The following FAM220A variants were observed in gnomAD, a reference collection of about 807,000 sequenced individuals.
FAM220A encodes protein FAM220A.
For synonymous variants in FAM220A, 141 were observed against 130.7 expected, an observed-to-expected ratio of 1.08 and a Z score of -0.54; for missense variants, 392 against 321.6, an observed-to-expected ratio of 1.22 and a Z score of -1.68.
At chr7:6,346,834 G>A (rs962036095) in intron 1 of FAM220A, among the ~76,000 whole-genome samples, 6 of 152,320 alleles carry the variant, frequency 3.9e-5, no homozygotes, top group South Asian at 2.1e-4. Flanking sequence ...GGCACCTGCA[G>A]TGTGGTGGTT....
In FAM220A at chr7:6,348,723, G is replaced by C. The variant is rs1782002840; in HGVS notation, c.-232C>G. 1 of 418,662 alleles carries C rather than the reference G, an allele frequency of 2.4e-6. No individual in the cohort carries two copies. Among genetic ancestry groups the C allele is most frequent in the Non-Finnish European group, 4.2e-6 (1 of 236,292 alleles). 25.9% of individuals were successfully genotyped at this position (418,662 alleles called of 1,614,324 possible). A position where few individuals can be genotyped will look rare whatever the true frequency, so the allele number is the denominator to read the frequency against. On this transcript the variant is annotated 5_prime_UTR_variant, in exon 1 of 2. Transcript: ENST00000313324. Reference sequence around the variant, plus strand: ...AGGAGCGGGCGGCGGCCGAGCGCGAGAGCCGGACAGCCAGGCCCGACAGAG... The same window carrying C: ...AGGAGCGGGCGGCGGCCGAGCGCGACAGCCGGACAGCCAGGCCCGACAGAG...
chr7:6,346,146 G>T (rs368971803), intron 1 of FAM220A, among the ~76,000 whole-genome samples: 1 of 151,924 alleles, frequency 6.6e-6, no homozygotes, highest in African/African-American at 2.4e-5. Flanking sequence ...GACTAGATAC[G>T]GCAAATACTG....
Position 6,330,536 on chromosome 7 carries a change from C to T in FAM220A, c.619G>A (p.Glu207Lys), listed in dbSNP as rs201671183. The T allele has an allele frequency of 6.2e-7, 1 of 1,614,158 alleles. No individual in the cohort carries two copies. Among genetic ancestry groups the T allele is most frequent in the Non-Finnish European group, 8.5e-7 (1 of 1,180,030 alleles). The change falls in exon 2 of 2, where the codon GAG becomes AAG. Residue 207 changes from glutamate to lysine, a missense_variant. Transcript: ENST00000313324. ...CGGTCAAGGAAAATGCGTTTTGTCT[C>T]CTCACTCAGGAGCACTTCGGGATAC... ...HVYPEVLLSE[E>K]TKRIFLDRLK... is the part of the protein sequence containing the mutation.
At chr7:6,334,663 C>A (rs1364024793) in intron 1 of FAM220A, among the ~76,000 whole-genome samples, 2 of 151,642 alleles carry the variant, frequency 1.3e-5, no homozygotes, top group African/African-American at 4.8e-5. Flanking sequence ...GATGGGGTTC[C>A]ACGAGTTGCC....
At chr7:6,331,839 C>T (rs1036359336) in intron 1 of FAM220A, among the ~76,000 whole-genome samples, 2 of 148,964 alleles carry the variant, frequency 1.3e-5, no homozygotes, top group Admixed American at 6.8e-5. Context: ...CTCTCAGGTT[C>T]GAGCGATTCT....
At chr7:6,346,780 G>A (rs1356618635) in intron 1 of FAM220A, among the ~76,000 whole-genome samples, 1 of 152,080 alleles carries the variant, frequency 6.6e-6, no homozygotes, top group Non-Finnish European at 1.5e-5. Context: ...CTGCTACTGG[G>A]ACAATCATAC....
rs117660632 is a variant in FAM220A at position 6,330,063 on chromosome 7, T to A, written c.*312A>T. On this transcript the variant is annotated 3_prime_UTR_variant, in exon 2 of 2. Transcript: ENST00000313324. ...GATTTGGGACAGTAGCCCTTTAGAATGGATGTTGAAGACAGAACTTCATGG... is the reference window on the plus strand; with the variant it reads ...GATTTGGGACAGTAGCCCTTTAGAAAGGATGTTGAAGACAGAACTTCATGG... The A allele has an allele frequency of 6.1e-6, 2 of 326,002 alleles. No homozygotes were observed. The highest frequency in any genetic ancestry group is 4.4e-5 in the African/African-American group (2 of 45,124). The allele number at this position is 326,002 out of a possible 1,614,324, so 20.2% of individuals were successfully genotyped here.
At position 6,343,397 on chromosome 7, in the gene FAM220A, CAT is replaced by C. The variant is rs10529573; in HGVS notation, c.-82+5174_-82+5175del. Among the ~76,000 whole-genome samples the C allele has an allele frequency of 5.8e-3, 501 of 86,732 alleles. 3 individuals are homozygous for C. The highest frequency in any genetic ancestry group is 6.9e-3 in the Non-Finnish European group (301 of 43,522). The allele number at this position is 86,732 out of a possible 152,430, so 56.9% of individuals were successfully genotyped here. A position where few individuals can be genotyped will look rare whatever the true frequency, so the allele number is the denominator to read the frequency against. ...CGTCTCAAAAAAATAATAATAATTTCATATATATATATATATATATATATATA... is the reference window on the plus strand; with the variant it reads ...CGTCTCAAAAAAATAATAATAATTTCATATATATATATATATATATATATA... On this transcript the variant is annotated intron_variant, in intron 1 of 1. Coordinates refer to ENST00000313324, the MANE Select transcript of FAM220A (RefSeq NM_001037163.2).
At position 6,330,711 on chromosome 7, in the gene FAM220A, T is replaced by C. The variant is rs764369024; in HGVS notation, c.444A>G (p.Gly148=). 58 of 1,613,936 alleles carry C rather than the reference T, an allele frequency of 3.6e-5. 1 individual carries two copies. In the South Asian group the frequency reaches 6.4e-4, roughly 18 times the overall value. Residue 148 remains glycine (G), a synonymous_variant, in exon 2 of 2, where the codon GGA becomes GGG. Coordinates refer to ENST00000313324, the MANE Select transcript of FAM220A (RefSeq NM_001037163.2). ...GTGGCAGTCGTGACACCCGAGGCTC[T>C]CCTTTGGGGCACTGTCCTCTGTGGC... The part of the protein sequence containing the change: ...TDGHRGQCPK[G]EPRVSRLPRH...
At chr7:6,339,865 G>A (rs905698880) in intron 1 of FAM220A, among the ~76,000 whole-genome samples, 1 of 151,184 alleles carries the variant, frequency 6.6e-6, no homozygotes, top group South Asian at 2.1e-4. Flanking sequence ...GCAGAGGCCG[G>A]GTGCCAGCTC....
intron 1 of FAM220A, among the ~76,000 whole-genome samples, chr7:6,335,894 C>T (rs915691005): frequency 6.6e-5 from 10 of 151,510 alleles, no homozygotes; most frequent in East Asian, 3.9e-4. Flanking sequence ...AAAGAGTGGC[C>T]GGGAGCAGTG....
chr7:6,347,883 T>TTTATTATTATTATTA (rs143253434), intron 1 of FAM220A, among the ~76,000 whole-genome samples: 2,113 of 131,502 alleles, frequency 0.016, 25 homozygotes, highest in African/African-American at 0.022. Flanking sequence ...ACGAGACCCC[T>TTTATTATTATTATTA]TTATTATTAT....
At chr7:6,335,887 G>A in intron 1 of FAM220A, among the ~76,000 whole-genome samples, 1 of 151,404 alleles carries the variant, frequency 6.6e-6, no homozygotes, top group East Asian at 1.9e-4. Context: ...AATTTTAAAA[G>A]AGTGGCCGGG....
intron 1 of FAM220A, among the ~76,000 whole-genome samples, chr7:6,344,514 C>T (rs935907921): frequency 1.3e-5 from 2 of 152,062 alleles, no homozygotes; most frequent in Non-Finnish European, 2.9e-5. Flanking sequence ...CCTCGACCTT[C>T]TGGCCTCAAG....
intron 1 of FAM220A, among the ~76,000 whole-genome samples, chr7:6,344,224 GA>G (rs1474101117): frequency 2.6e-5 from 4 of 151,402 alleles, no homozygotes; most frequent in Admixed American, 6.6e-5. Flanking sequence ...CCCTTTACCA[GA>G]AAGCCACAAA....
chr7:6,343,372 C>T (rs908993666), intron 1 of FAM220A, among the ~76,000 whole-genome samples: 10 of 129,400 alleles, frequency 7.7e-5, no homozygotes, highest in Non-Finnish European at 1.4e-4. Flanking sequence ...AGTGAAACTC[C>T]GTCTCAAAAA....
chr7:6,347,643 CCACTTT>C (rs1781978015), intron 1 of FAM220A, among the ~76,000 whole-genome samples: 1 of 152,110 alleles, frequency 6.6e-6, no homozygotes, highest in Non-Finnish European at 1.5e-5. Context: ...TCCACGTCTT[CCACTTT>C]ATTTTCCCTG....
chr7:6,344,636 C>A (rs1220148568), intron 1 of FAM220A, among the ~76,000 whole-genome samples: 1 of 151,878 alleles, frequency 6.6e-6, no homozygotes, highest in Non-Finnish European at 1.5e-5. Context: ...CCAGGCTGGT[C>A]TCAAACTCCT....
intron 1 of FAM220A, among the ~76,000 whole-genome samples, chr7:6,347,826 G>T (rs1054694714): frequency 6.6e-6 from 1 of 151,134 alleles, no homozygotes; most frequent in Non-Finnish European, 1.5e-5. Context: ...GGCCAAGATG[G>T]GAGGATCTCT....
Sources: allele counts gnomAD v4.1 joint callset (sites outside exome capture counted in the v4.1 genomes callset), GRCh38; gene constraint gnomAD v4.1.1; transcripts MANE v1.5; gene names NCBI Gene and HGNC (gene_info 2026-07-23, HGNC 2026-07-21).